Variants in TYW1 observed in about 807,000 individuals in gnomAD.
TYW1 encodes the protein S-adenosyl-L-methionine-dependent tRNA 4-demethylwyosine synthase TYW1.
Under a neutral mutation model 96.2 loss-of-function variants are expected in TYW1, and 46 were observed. The ratio of observed to expected loss-of-function variants is 0.48; its 90% confidence interval spans 0.38 to 0.61. The LOEUF (loss-of-function observed/expected upper bound fraction) is 0.61, where lower values mean the gene tolerates loss of function less well. Among genes scored for constraint, TYW1 ranks in the 20% least tolerant of loss-of-function variants. TYW1 has a pLI of 0.00. For synonymous variants in TYW1, 274 were observed against 323.0 expected (o/e 0.85, Z 1.63); for missense variants, 684 against 909.6 (o/e 0.75, Z 3.19).
intron 13 of TYW1, among the ~76,000 whole-genome samples, chr7:67,177,324 C>T (rs572457543): frequency 2.0e-5 from 3 of 151,376 alleles, no homozygotes; most frequent in Non-Finnish European, 4.4e-5. Flanking sequence ...GTTAAAGAGA[C>T]ACAAGAAACA....
rs778616416 is a variant in TYW1 at position 67,033,819 on chromosome 7, C to T, written c.984+8797C>T. Among the ~76,000 whole-genome samples the T allele has an allele frequency of 2.0e-5, 3 of 151,800 alleles. No homozygotes were observed. The East Asian group carries it at 5.8e-4, about 29-fold the overall frequency. On this transcript the variant is annotated intron_variant, in intron 7 of 15. Coordinates refer to ENST00000359626, the MANE Select transcript of TYW1 (RefSeq NM_018264.4). ...CAAGCAATTCTCTGCCTCAGCCTCCCGAGTAGCTGGGATTACAGGCGCCTG... is the reference window on the plus strand; with the variant it reads ...CAAGCAATTCTCTGCCTCAGCCTCCTGAGTAGCTGGGATTACAGGCGCCTG...
intron 13 of TYW1, among the ~76,000 whole-genome samples, chr7:67,165,654 G>T (rs541440624): frequency 5.3e-5 from 8 of 152,168 alleles, no homozygotes; most frequent in Non-Finnish European, 1.0e-4. Flanking sequence ...AGGGCCAGGC[G>T]TGGTGGCTCA....
At chr7:67,140,180 C>T (rs1798402173) in intron 13 of TYW1, among the ~76,000 whole-genome samples, 1 of 152,124 alleles carries the variant, frequency 6.6e-6, no homozygotes, top group African/African-American at 2.4e-5. Context: ...ACACTTGCCC[C>T]ATGATTCAGT....
chr7:67,029,770 G>A (rs1364961602), intron 7 of TYW1, among the ~76,000 whole-genome samples: 4 of 152,010 alleles, frequency 2.6e-5, no homozygotes, highest in African/African-American at 7.2e-5. Flanking sequence ...GTGTGATCAC[G>A]GCTCACTGCA....
In TYW1 at chr7:67,024,653, C is replaced by T. The variant is rs1472849634; in HGVS notation, c.862-247C>T. ...AAAATTAGCCAGGCGTGGTGGTAGGCGCCTGTGATCCTAGCTACTTGGGAG... is the reference window on the plus strand; with the variant it reads ...AAAATTAGCCAGGCGTGGTGGTAGGTGCCTGTGATCCTAGCTACTTGGGAG... On this transcript the variant is annotated intron_variant, in intron 6 of 15. Coordinates refer to ENST00000359626, the MANE Select transcript of TYW1 (RefSeq NM_018264.4). 2.6e-5 allele frequency among the ~76,000 whole-genome samples: 4 copies of T among 151,910 alleles called. 1 individual carries two copies. Among genetic ancestry groups the T allele is most frequent in the Non-Finnish European group, 1.5e-5 (1 of 67,940 alleles).
intron 6 of TYW1, among the ~76,000 whole-genome samples, chr7:67,020,539 A>C (rs932557716): frequency 3.9e-5 from 6 of 152,274 alleles, no homozygotes; most frequent in African/African-American, 1.4e-4. Flanking sequence ...TGTCCGGCCA[A>C]GTAATCTTAA....
At chr7:67,196,060 C>T (rs1040502199) in intron 15 of TYW1, among the ~76,000 whole-genome samples, 10 of 151,804 alleles carry the variant, frequency 6.6e-5, no homozygotes, top group African/African-American at 2.4e-4. Context: ...ATATCTCTTG[C>T]CTTCTCATTT....
chr7:67,124,376 A>G (rs1366841992), intron 13 of TYW1, among the ~76,000 whole-genome samples: 4 of 151,856 alleles, frequency 2.6e-5, no homozygotes, highest in African/African-American at 9.7e-5. Context: ...TGGGATACAG[A>G]TGTGCTCCAC....
At position 67,201,297 on chromosome 7, in the gene TYW1, T is replaced by C. The variant is rs575786931; in HGVS notation, c.1977+5960T>C. 1.9e-4 allele frequency among the ~76,000 whole-genome samples: 23 copies of C among 121,066 alleles called. 1 individual carries two copies. In the East Asian group the frequency reaches 6.4e-3, roughly 34 times the overall value. 79.4% of individuals were successfully genotyped at this position (121,066 alleles called of 152,430 possible). A position where few individuals can be genotyped will look rare whatever the true frequency, so the allele number is the denominator to read the frequency against. On this transcript the variant is annotated intron_variant, in intron 15 of 15. Coordinates refer to ENST00000359626, the MANE Select transcript of TYW1 (RefSeq NM_018264.4). ...CCTGGACAACAGAGTGAGACCCTCC[T>C]CCATTTCTAAAACAACAACAACAAC...
chr7:67,098,515 T>C, intron 11 of TYW1, 26 bp from the exon 12 acceptor site: 1 of 1,536,118 alleles, frequency 6.5e-7, no homozygotes, highest in Non-Finnish European at 8.8e-7. Context: ...CTTATGTAGC[T>C]GGGTCCTTCT....
At chr7:67,035,488 C>T (rs1174233777) in intron 7 of TYW1, among the ~76,000 whole-genome samples, 1 of 152,100 alleles carries the variant, frequency 6.6e-6, no homozygotes, top group East Asian at 1.9e-4. Flanking sequence ...CAAGACTGCT[C>T]CCACTTTTGA....
At chr7:67,193,575 A>G (rs1384029447) in intron 14 of TYW1, among the ~76,000 whole-genome samples, 3 of 152,160 alleles carry the variant, frequency 2.0e-5, no homozygotes, top group East Asian at 1.9e-4. Context: ...CCTGGCCAAC[A>G]TGGCGAAACT....
At chr7:67,001,467 G>A (rs1000019136) in intron 3 of TYW1, among the ~76,000 whole-genome samples, 2 of 151,300 alleles carry the variant, frequency 1.3e-5, no homozygotes, top group African/African-American at 4.8e-5. Context: ...GTGTCGCCAG[G>A]CTGGAGTGCA....
At chr7:67,044,070 T>C (rs1457231428) in intron 7 of TYW1, among the ~76,000 whole-genome samples, 2 of 151,812 alleles carry the variant, frequency 1.3e-5, no homozygotes, top group African/African-American at 4.8e-5. Context: ...TTTAGATTAA[T>C]ATTAAAACTC....
At chr7:67,148,609 T>A (rs1162021970) in intron 13 of TYW1, among the ~76,000 whole-genome samples, 2 of 151,946 alleles carry the variant, frequency 1.3e-5, no homozygotes, top group Non-Finnish European at 2.9e-5. Context: ...ATATATATAT[T>A]TTTAGTAGAG....
chr7:67,219,461 T>C (rs1303622653), intron 15 of TYW1, among the ~76,000 whole-genome samples: 1 of 152,194 alleles, frequency 6.6e-6, no homozygotes, highest in African/African-American at 2.4e-5. Flanking sequence ...GAAAGATTGG[T>C]GTTAGTTCTC....
At chr7:67,028,991 G>C (rs1403622213) in intron 7 of TYW1, among the ~76,000 whole-genome samples, 2 of 151,634 alleles carry the variant, frequency 1.3e-5, no homozygotes, top group Non-Finnish European at 2.9e-5. Flanking sequence ...TTATTTGGAC[G>C]CTGATATGGA....
At chr7:67,116,304 G>A (rs1402473316) in intron 12 of TYW1, among the ~76,000 whole-genome samples, 1 of 150,448 alleles carries the variant, frequency 6.6e-6, no homozygotes, top group East Asian at 1.9e-4. Context: ...TAGCCTGGGT[G>A]GCAGAGGGAG....
chr7:67,153,937 T>A (rs1415344673), intron 13 of TYW1, among the ~76,000 whole-genome samples: 1 of 108,108 alleles, frequency 9.3e-6, no homozygotes, highest in Non-Finnish European at 2.0e-5. Flanking sequence ...TTTTTTTTTT[T>A]TTTTTTTTGA....
Sources: allele counts gnomAD v4.1 joint callset (sites outside exome capture counted in the v4.1 genomes callset), GRCh38; gene constraint gnomAD v4.1.1; transcripts MANE v1.5; gene names NCBI Gene and HGNC (gene_info 2026-07-23, HGNC 2026-07-21).